PTPRN2: variants seen among roughly 807,000 people sequenced by gnomAD.
The protein encoded by PTPRN2 is receptor-type tyrosine-protein phosphatase N2.
A neutral mutation model predicts 118.8 loss-of-function variants in PTPRN2; 74 were observed. That is an observed-to-expected ratio of 0.62 (90% CI 0.52 to 0.76). The LOEUF (loss-of-function observed/expected upper bound fraction) is 0.76. PTPRN2 is among the 30% of genes least tolerant of loss of function. PTPRN2 has a pLI of 0.00. For synonymous variants in PTPRN2, 641 were observed against 608.0 expected (o/e 1.05, Z -0.80); for missense variants, 1,481 against 1,394.4 (o/e 1.06, Z -0.99).
rs567081391 is a variant in PTPRN2 at position 158,187,800 on chromosome 7, G to A, written c.549+4527C>T. 2.9e-4 allele frequency among the ~76,000 whole-genome samples: 44 copies of A among 152,304 alleles called. No homozygotes were observed. The South Asian group carries it at 8.1e-3, about 28-fold the overall frequency. ...ATTCAAACTGGGACACCTCCGAGTG[G>A]GAAAGAATGACTTCCTGATAATTAT... On this transcript the variant is annotated intron_variant, in intron 5 of 22. Transcript: ENST00000389418.
rs1255765710 is a variant in PTPRN2 at position 158,394,283 on chromosome 7, TC to T, written c.164-77352del. On this transcript the variant is annotated intron_variant, in intron 2 of 22. Coordinates refer to ENST00000389418, the MANE Select transcript of PTPRN2 (RefSeq NM_002847.5). ...ACTCTGTCCCCCATAGACGCCTGGC[TC>T]CCCTCTGGCTCCCCCACCAAGGAGC... Among the ~76,000 whole-genome samples, 3 of 151,786 alleles carry T rather than the reference TC, an allele frequency of 2.0e-5. No individual in the cohort carries two copies. In the East Asian group the frequency reaches 5.8e-4, roughly 29 times the overall value.
chr7:158,273,314 C>T (rs1798638653), intron 3 of PTPRN2, among the ~76,000 whole-genome samples: 1 of 151,598 alleles, frequency 6.6e-6, no homozygotes, highest in Non-Finnish European at 1.5e-5. Context: ...CTGTGAGCTC[C>T]TTGCCTGCTG....
At chr7:157,932,733 C>CT (rs1313512238) in intron 11 of PTPRN2, among the ~76,000 whole-genome samples, 18 of 145,700 alleles carry the variant, frequency 1.2e-4, no homozygotes, top group South Asian at 4.5e-4. Context: ...GTGAGTCACT[C>CT]GGACAGTTTT....
At chr7:158,318,763 G>A (rs1294332056) in intron 2 of PTPRN2, among the ~76,000 whole-genome samples, 3 of 152,254 alleles carry the variant, frequency 2.0e-5, no homozygotes, top group African/African-American at 4.8e-5. Context: ...CGGGGTGGAC[G>A]TGCGTGGCCA....
chr7:158,109,472 A>G (rs1330403088), intron 10 of PTPRN2, among the ~76,000 whole-genome samples: 1 of 151,768 alleles, frequency 6.6e-6, no homozygotes, highest in Non-Finnish European at 1.5e-5. Context: ...ACAGTGAGTG[A>G]ATGACATCAC....
At chr7:158,523,613 C>T (rs1302792480) in intron 1 of PTPRN2, among the ~76,000 whole-genome samples, 2 of 138,584 alleles carry the variant, frequency 1.4e-5, no homozygotes, top group Non-Finnish European at 3.1e-5. Context: ...GCAGAGTCTG[C>T]CCTGGAGTGG....
chr7:157,798,457 C>T (rs1380177258), intron 12 of PTPRN2, among the ~76,000 whole-genome samples: 1 of 151,904 alleles, frequency 6.6e-6, no homozygotes, highest in Non-Finnish European at 1.5e-5. Flanking sequence ...GCCATTTCTC[C>T]CATTTGGCTG....
chr7:158,337,527 G>T (rs1244226295), intron 2 of PTPRN2, among the ~76,000 whole-genome samples: 40 of 103,600 alleles, frequency 3.9e-4, no homozygotes, highest in African/African-American at 8.2e-4. Flanking sequence ...ACCATAAGAG[G>T]TGACACCTGC....
intron 12 of PTPRN2, chr7:157,739,289 T>C (rs991284274): frequency 6.6e-6 from 1 of 152,186 alleles, no homozygotes; most frequent in Non-Finnish European, 1.5e-5. Context: ...TGGACACAAA[T>C]ATAAGCAGCA....
intron 12 of PTPRN2, among the ~76,000 whole-genome samples, chr7:157,828,718 G>A (rs1330850793): frequency 6.6e-6 from 1 of 152,188 alleles, no homozygotes; most frequent in East Asian, 1.9e-4. Flanking sequence ...GAAATCTATG[G>A]CAAAGTACCA....
At chr7:157,788,834 T>C (rs1804249243) in intron 12 of PTPRN2, among the ~76,000 whole-genome samples, 1 of 152,150 alleles carries the variant, frequency 6.6e-6, no homozygotes, top group Non-Finnish European at 1.5e-5. Flanking sequence ...CCCACTTCTC[T>C]GCCATGTGGG....
intron 12 of PTPRN2, among the ~76,000 whole-genome samples, chr7:157,788,993 C>G (rs970174718): frequency 6.6e-6 from 1 of 152,242 alleles, no homozygotes; most frequent in Non-Finnish European, 1.5e-5. Context: ...CTTCCTGCCT[C>G]CATTTCCCAA....
chr7:158,411,451 C>T (rs941206999), intron 2 of PTPRN2, among the ~76,000 whole-genome samples: 3 of 152,156 alleles, frequency 2.0e-5, no homozygotes, highest in Admixed American at 6.5e-5. Flanking sequence ...CTTGCACATG[C>T]CCGGCCACCA....
rs1283079772 is a variant in PTPRN2 at position 158,467,283 on chromosome 7, G to GA, written c.163+22451_163+22452insT. Among the ~76,000 whole-genome samples, 5 of 75,698 alleles carry GA rather than the reference G, an allele frequency of 6.6e-5. No homozygotes were observed. The East Asian group carries it at 1.7e-3, about 25-fold the overall frequency. The allele number at this position is 75,698 out of a possible 152,430, so 49.7% of individuals were successfully genotyped here. A position where few individuals can be genotyped will look rare whatever the true frequency, so the allele number is the denominator to read the frequency against. The stretch of plus-strand genomic sequence containing the variant: ...GGTTTGGGGGTTTTTTGGCTTTTGG[G>GA]TTTTTTTTGTGTGTTGTTTGTTTGT... On this transcript the variant is annotated intron_variant, in intron 2 of 22. Transcript: ENST00000389418.
At chr7:158,115,556 G>T (rs139103784) in intron 9 of PTPRN2, among the ~76,000 whole-genome samples, 4 of 152,066 alleles carry the variant, frequency 2.6e-5, no homozygotes, top group Non-Finnish European at 4.4e-5. Context: ...CAGGTCATGA[G>T]GGTGGAGTCT....
intron 2 of PTPRN2, among the ~76,000 whole-genome samples, chr7:158,442,086 T>C (rs1050761863): frequency 1.9e-3 from 285 of 149,444 alleles, no homozygotes; most frequent in East Asian, 0.011. Flanking sequence ...GTGGTGGTGA[T>C]GGTGATAGTG....
At chr7:158,091,702 T>TGA (rs1033489386) in intron 10 of PTPRN2, among the ~76,000 whole-genome samples, 1 of 132,530 alleles carries the variant, frequency 7.5e-6, no homozygotes, top group African/African-American at 2.9e-5. Flanking sequence ...GAGGGACAGG[T>TGA]GATAGATAGA....
intron 2 of PTPRN2, among the ~76,000 whole-genome samples, chr7:158,457,547 AGCC>A (rs879683833): frequency 0.14 from 18,299 of 135,362 alleles, 7,465 homozygotes; most frequent in Admixed American, 0.15. Flanking sequence ...GTCACAGTAA[AGCC>A]ACCGTCAAAA....
intron 12 of PTPRN2, among the ~76,000 whole-genome samples, chr7:157,713,356 C>A (rs1798746128): frequency 6.6e-6 from 1 of 152,286 alleles, no homozygotes; most frequent in East Asian, 1.9e-4. Context: ...AACCCCTTTG[C>A]ACTTAATCTA....
Sources: gnomAD v4.1 joint callset for allele counts (sites outside exome capture counted in the v4.1 genomes callset) on GRCh38, gnomAD v4.1.1 for gene constraint, MANE v1.5 for transcripts, NCBI Gene and HGNC (gene_info 2026-07-23, HGNC 2026-07-21) for gene names.